The following CYP46A1 variants were observed in gnomAD, a reference collection of about 807,000 sequenced individuals.
The protein encoded by CYP46A1 is cholesterol 24-hydroxylase.
Under a neutral mutation model 63.3 loss-of-function variants are expected in CYP46A1, and 20 were observed. The ratio of observed to expected loss-of-function variants is 0.32; its 90% CI spans 0.22 to 0.46. The LOEUF (loss-of-function observed/expected upper bound fraction) is 0.46. CYP46A1 is among the 20% of genes least tolerant of loss of function. CYP46A1 has a pLI of 1.00. For synonymous variants in CYP46A1, 268 were observed against 273.6 expected (o/e 0.98, Z 0.20); for missense variants, 445 against 670.8 (o/e 0.66, Z 3.72).
chr14:99,687,050 C>CT (rs1027053634), intron 1 of CYP46A1, among the ~76,000 whole-genome samples: 1 of 152,174 alleles, frequency 6.6e-6, no homozygotes, highest in Non-Finnish European at 1.5e-5. Flanking sequence ...GCTTTGCCAG[C>CT]TGGCAGGCAA....
intron 7 of CYP46A1, chr14:99,709,204 A>C (rs1469888971): frequency 6.6e-6 from 1 of 152,238 alleles, no homozygotes; most frequent in African/African-American, 2.4e-5. Context: ...CAGATTCCAA[A>C]GAAAATAAAA....
rs532970391 is a variant in CYP46A1, at chr14:99,707,453, G to A, written c.583-115G>A. The A allele has an allele frequency of 9.8e-6, 7 of 715,836 alleles. No homozygotes were observed. In the African/African-American group the frequency reaches 1.2e-4, roughly 13 times the overall value. The allele number at this position is 715,836 out of a possible 1,614,324, so 44.3% of individuals were successfully genotyped here. On this transcript the variant is annotated intron_variant, in intron 6 of 14. Coordinates refer to ENST00000261835, the MANE Select transcript of CYP46A1 (RefSeq NM_006668.2). ...CATTGTAAGCAGCTGATGATATGAT[G>A]CATATAAACCCTTAGCCCAGAGTCC...
intron 1 of CYP46A1, among the ~76,000 whole-genome samples, chr14:99,686,724 C>T (rs2056497504): frequency 6.6e-6 from 1 of 152,184 alleles, no homozygotes; most frequent in Non-Finnish European, 1.5e-5. Context: ...TCTTATACCA[C>T]AGAGTCTACA....
At chr14:99,709,667 CATCCAGGTACAGGAAATATAGAG>C (rs2056711856) in intron 7 of CYP46A1, 2 of 152,154 alleles carry the variant, frequency 1.3e-5, no homozygotes, top group African/African-American at 4.8e-5. Context: ...AAGATATAGA[CATCCAGGTACAGGAAATATAGAG>C]ATCCAGGTAT....
Position 99,722,060 on chromosome 14 carries a change from G to T in CYP46A1, c.1170G>T (p.Pro390=). The change falls in exon 12 of 15, where the codon CCG becomes CCT. Residue 390 remains proline (P), a synonymous_variant. Coordinates refer to ENST00000261835, the MANE Select transcript of CYP46A1 (RefSeq NM_006668.2). The surrounding 1 kb of genome is among the most constrained non-coding windows in gnomAD (Gnocchi z 4.6). ...IDGVRVPGNT[P]LLFSTYVMGR... ...GGGTCAGAGTCCCCGGCAACACCCC[G>T]CTCTTGGTGGGTGGAGGCCCTGGGG... 1 of 1,611,338 alleles carries T rather than the reference G, an allele frequency of 6.2e-7. No individual in the cohort carries two copies.
At chr14:99,726,482 A>G in intron 14 of CYP46A1, 75 bp from the exon 15 acceptor site, 3 of 1,390,862 alleles carry the variant, frequency 2.2e-6, no homozygotes, top group Admixed American at 2.5e-5. Context: ...GCCGGCTGTG[A>G]CATTTGCTGC....
chr14:99,703,656 A>C (rs1398007912), intron 5 of CYP46A1: 1 of 984,590 alleles, frequency 1.0e-6, no homozygotes, highest in African/African-American at 1.7e-5. Context: ...GGCTGAGTTC[A>C]TGCCTCCATC....
chr14:99,724,064 G>T (rs2056872714), intron 12 of CYP46A1, among the ~76,000 whole-genome samples: 1 of 152,156 alleles, frequency 6.6e-6, no homozygotes, highest in African/African-American at 2.4e-5. Flanking sequence ...GTCTCCACAT[G>T]GTCTTCCTTC....
At position 99,703,766 on chromosome 14, in the gene CYP46A1, C is replaced by T. The variant is rs1312611757; in HGVS notation, c.444-2881C>T. 1.0e-5 allele frequency: 10 copies of T among 956,218 alleles called. No individual in the cohort carries two copies. In the African/African-American group the frequency reaches 1.8e-4, roughly 17 times the overall value. 59.2% of individuals were successfully genotyped at this position (956,218 alleles called of 1,614,324 possible). ...CAGAAGACGCACCCTGTCCCTGAGT[C>T]CTGCGCCCAGCACCAGGCACCCCAC... On this transcript the variant is annotated intron_variant, in intron 5 of 14. Transcript: ENST00000261835.
Position 99,718,131 on chromosome 14 carries a change from G to T in CYP46A1, c.980+5G>T, listed in dbSNP as rs1187725031. Reference sequence around the variant, plus strand: ...CCAGCCAGAGATCGTGGCAAGGTATGGGGGCTGCTCTTGGGGCTGGCAAAG... The same window carrying T: ...CCAGCCAGAGATCGTGGCAAGGTATTGGGGCTGCTCTTGGGGCTGGCAAAG... On this transcript the variant is annotated splice_donor_5th_base_variant and intron_variant, in intron 10 of 14. Transcript: ENST00000261835. The T allele has an allele frequency of 6.2e-7, 1 of 1,613,674 alleles. No individual in the cohort carries two copies. Among genetic ancestry groups the T allele is most frequent in the South Asian group, 1.1e-5 (1 of 91,066 alleles).
intron 5 of CYP46A1, among the ~76,000 whole-genome samples, chr14:99,703,343 G>T (rs887908823): frequency 1.3e-5 from 2 of 152,078 alleles, no homozygotes; most frequent in Non-Finnish European, 2.9e-5. Flanking sequence ...CCCTCCTCCT[G>T]TCTCCCTCCT....
chr14:99,724,316 T>C (rs892667174), intron 12 of CYP46A1, among the ~76,000 whole-genome samples: 2 of 152,160 alleles, frequency 1.3e-5, no homozygotes, highest in East Asian at 3.9e-4. Flanking sequence ...CAGTCCCTGC[T>C]CCCAGCCCCT....
At chr14:99,716,096 G>A (rs2056787446) in intron 8 of CYP46A1, 41 bp from the exon 9 acceptor site, 4 of 1,613,270 alleles carry the variant, frequency 2.5e-6, no homozygotes, top group Non-Finnish European at 3.4e-6. Context: ...GGGAAAGGGA[G>A]CAAAGATTTG....
chr14:99,704,036 C>A (rs563857687), intron 5 of CYP46A1, among the ~76,000 whole-genome samples: 1 of 152,192 alleles, frequency 6.6e-6, no homozygotes. Flanking sequence ...CCCACATGAT[C>A]ATGACATAAC....
At chr14:99,688,519 G>T (rs1014795712) in intron 1 of CYP46A1, among the ~76,000 whole-genome samples, 2 of 152,170 alleles carry the variant, frequency 1.3e-5, no homozygotes, top group Admixed American at 6.5e-5. Context: ...GCTGTTCCGG[G>T]AGGGTAGCCC....
intron 1 of CYP46A1, among the ~76,000 whole-genome samples, chr14:99,687,906 T>TG: frequency 6.6e-6 from 1 of 152,178 alleles, no homozygotes; most frequent in South Asian, 2.1e-4. Context: ...TAGCCTTACC[T>TG]GCTTGTTTTT....
intron 1 of CYP46A1, among the ~76,000 whole-genome samples, chr14:99,687,433 T>C (rs965570152): frequency 3.9e-5 from 6 of 152,202 alleles, no homozygotes; most frequent in African/African-American, 1.4e-4. Context: ...AGGAGCAGGG[T>C]GGCCAGCCAT....
chr14:99,713,523 A>T (rs1352266619), intron 7 of CYP46A1: 1 of 152,182 alleles, frequency 6.6e-6, no homozygotes, highest in African/African-American at 2.4e-5. Flanking sequence ...ATGCTCCAGG[A>T]CATTGGTGTA....
intron 12 of CYP46A1, among the ~76,000 whole-genome samples, chr14:99,724,802 G>T (rs1022882598): frequency 1.3e-5 from 2 of 152,154 alleles, no homozygotes; most frequent in African/African-American, 4.8e-5. Context: ...GAGAGCCAGG[G>T]GTGGAACAGG....
Sources: allele counts gnomAD v4.1 joint callset (sites outside exome capture counted in the v4.1 genomes callset), GRCh38; gene constraint gnomAD v4.1.1; non-coding constraint Gnocchi (gnomAD v3.1); transcripts MANE v1.5; gene names NCBI Gene and HGNC (gene_info 2026-07-23, HGNC 2026-07-21).